GARIN1A: variants seen among roughly 807,000 people sequenced by gnomAD.
GARIN1A encodes the protein golgi associated RAB2 interactor 1A.
the GARIN1A span, among the ~76,000 whole-genome samples, chr7:128,708,861 A>G: frequency 6.6e-6 from 1 of 152,174 alleles, no homozygotes; most frequent in Non-Finnish European, 1.5e-5. Flanking sequence ...TTGTCCATCA[A>G]TATCCCTCAT....
the GARIN1A span, among the ~76,000 whole-genome samples, chr7:128,705,672 T>G: frequency 2.8e-5 from 4 of 140,602 alleles, no homozygotes; most frequent in African/African-American, 1.1e-4. Context: ...TTTTTTTTTT[T>G]TTTTTTTTTT....
the GARIN1A span, chr7:128,677,771 C>T: frequency 3.1e-6 from 5 of 1,613,766 alleles, no homozygotes; most frequent in African/African-American, 6.7e-5. Flanking sequence ...AATTCACTCA[C>T]TGCCTGGTGC....
chr7:128,682,977 G>A, the GARIN1A span: 1 of 1,601,006 alleles, frequency 6.2e-7, no homozygotes, highest in South Asian at 1.1e-5. Flanking sequence ...CAATGACACT[G>A]CCATTGAAAT....
the GARIN1A span, among the ~76,000 whole-genome samples, chr7:128,681,105 G>A: frequency 6.6e-6 from 1 of 152,192 alleles, no homozygotes; most frequent in African/African-American, 2.4e-5. Flanking sequence ...TCTTGCCCCT[G>A]GATAAAAGCT....
the GARIN1A span, among the ~76,000 whole-genome samples, chr7:128,706,122 T>C: frequency 1.9e-4 from 29 of 152,324 alleles, no homozygotes; most frequent in Non-Finnish European, 1.2e-4. Flanking sequence ...TGCTTTGACA[T>C]TCAAACAGTC....
At chr7:128,706,824 C>T in the GARIN1A span, among the ~76,000 whole-genome samples, 1 of 152,154 alleles carries the variant, frequency 6.6e-6, no homozygotes. Context: ...TGTCTCCTTC[C>T]CTGCTTGCTG....
the GARIN1A span, chr7:128,677,955 G>A: frequency 5.3e-6 from 3 of 561,970 alleles, no homozygotes; most frequent in Non-Finnish European, 2.9e-6. Context: ...CTATTCAGTA[G>A]TATGAATGAA....
chr7:128,675,285 TCACTTTC>T, the GARIN1A span, among the ~76,000 whole-genome samples: 6 of 152,298 alleles, frequency 3.9e-5, no homozygotes, highest in Middle Eastern at 3.4e-3. Context: ...AGCTTTTTCC[TCACTTTC>T]CTCTCCTTCT....
chr7:128,701,972 C>T, the GARIN1A span, among the ~76,000 whole-genome samples: 1 of 151,938 alleles, frequency 6.6e-6, no homozygotes, highest in African/African-American at 2.4e-5. Flanking sequence ...CCACAGAAGC[C>T]AAAAGAAAAT....
chr7:128,700,836 G>GCA, the GARIN1A span, among the ~76,000 whole-genome samples: 12 of 151,690 alleles, frequency 7.9e-5, no homozygotes, highest in African/African-American at 2.4e-4. Context: ...ACTAACATGA[G>GCA]CACACACACA....
chr7:128,677,448 A>T, the GARIN1A span: 1 of 1,148,956 alleles, frequency 8.7e-7, no homozygotes, highest in Non-Finnish European at 1.2e-6. Context: ...CAGAGCCTGC[A>T]GTGAGCCGAG....
At chr7:128,699,562 C>A in the GARIN1A span, among the ~76,000 whole-genome samples, 42 of 152,272 alleles carry the variant, frequency 2.8e-4, no homozygotes, top group East Asian at 4.4e-3. Flanking sequence ...AAGTGCATTG[C>A]GATCCAGATA....
chr7:128,678,015 CTTTTT>C, the GARIN1A span: 4,670 of 172,368 alleles, frequency 0.027, 29 homozygotes, highest in East Asian at 0.057. Flanking sequence ...AGAAATGTTT[CTTTTT>C]TTTTTTTTTT....
chr7:128,695,445 A>G, the GARIN1A span, among the ~76,000 whole-genome samples: 1 of 152,260 alleles, frequency 6.6e-6, no homozygotes, highest in Non-Finnish European at 1.5e-5. The surrounding 1 kb of genome is among the most constrained non-coding windows in gnomAD (Gnocchi z 4.5). Flanking sequence ...GTCTCCCTGC[A>G]GCTGGAGGTC....
chr7:128,693,340 G>A, the GARIN1A span: 1 of 152,256 alleles, frequency 6.6e-6, no homozygotes, highest in Non-Finnish European at 1.5e-5. Flanking sequence ...GACAAGGAAG[G>A]AAAGAAATGT....
At chr7:128,706,873 T>G in the GARIN1A span, among the ~76,000 whole-genome samples, 14 of 152,110 alleles carry the variant, frequency 9.2e-5, no homozygotes, top group African/African-American at 1.2e-4. Flanking sequence ...CGTGGGACTC[T>G]GGGAAATGCA....
chr7:128,674,369 C>A, the GARIN1A span, among the ~76,000 whole-genome samples: 100 of 152,264 alleles, frequency 6.6e-4, 1 homozygote, highest in Middle Eastern at 0.014. Flanking sequence ...AAGTGATACT[C>A]CGGCTTTGGA....
At chr7:128,684,755 C>T in the GARIN1A span, 3 of 152,082 alleles carry the variant, frequency 2.0e-5, no homozygotes, top group African/African-American at 7.2e-5. Flanking sequence ...TGCCCATCAC[C>T]AGAAATTCTG....
At chr7:128,682,458 C>A in the GARIN1A span, among the ~76,000 whole-genome samples, 2 of 152,194 alleles carry the variant, frequency 1.3e-5, no homozygotes, top group African/African-American at 2.4e-5. Flanking sequence ...TTTCTCTCCT[C>A]GGGTTGCCCT....
Sources: allele counts gnomAD v4.1 joint callset (sites outside exome capture counted in the v4.1 genomes callset), GRCh38; gene constraint gnomAD v4.1.1; non-coding constraint Gnocchi (gnomAD v3.1); transcripts MANE v1.5; gene names NCBI Gene and HGNC (gene_info 2026-07-23, HGNC 2026-07-21).